LRRC4C: variants seen among roughly 807,000 people sequenced by gnomAD.
LRRC4C encodes the protein leucine-rich repeat-containing protein 4C.
A neutral mutation model predicts 33.6 loss-of-function variants in LRRC4C; 5 were observed. That is an observed-to-expected ratio of 0.15 (90% CI 0.08 to 0.31). The LOEUF is 0.31. LRRC4C is among the 10% of genes least tolerant of loss of function. The probability of loss-of-function intolerance (pLI) is 1.00; values close to 1 mark genes in which losing one functional copy is unlikely to be tolerated. For missense variants in LRRC4C, 560 were observed against 796.7 expected, an observed-to-expected ratio of 0.70 and a Z score of 3.58; for synonymous variants, 329 against 302.0, an observed-to-expected ratio of 1.09 and a Z score of -0.93.
At chr11:41,316,094 C>T (rs1034739962) in intron 1 of LRRC4C, among the ~76,000 whole-genome samples, 2 of 151,934 alleles carry the variant, frequency 1.3e-5, no homozygotes, top group Non-Finnish European at 2.9e-5. Context: ...CCAGCTCCAA[C>T]GGAATATCCC....
chr11:40,480,371 A>T (rs1161164903), intron 3 of LRRC4C, among the ~76,000 whole-genome samples: 1 of 151,348 alleles, frequency 6.6e-6, no homozygotes, highest in Non-Finnish European at 1.5e-5. Context: ...AAATAAAAAT[A>T]AATAAATAAA....
At chr11:41,372,498 C>A (rs1952787271) in intron 1 of LRRC4C, among the ~76,000 whole-genome samples, 2 of 152,134 alleles carry the variant, frequency 1.3e-5, no homozygotes, top group Admixed American at 6.5e-5. Context: ...ACTTCAGAAA[C>A]AGGAATGCTT....
At chr11:40,212,961 T>G (rs1863713584) in intron 5 of LRRC4C, among the ~76,000 whole-genome samples, 1 of 151,982 alleles carries the variant, frequency 6.6e-6, no homozygotes, top group Non-Finnish European at 1.5e-5. Flanking sequence ...AGAAAATGAT[T>G]CCCAGGCTAC....
At chr11:41,211,779 C>T (rs543484377) in intron 1 of LRRC4C, among the ~76,000 whole-genome samples, 6 of 152,242 alleles carry the variant, frequency 3.9e-5, no homozygotes, top group East Asian at 3.9e-4. Flanking sequence ...TGAGTAGAGC[C>T]GCAATAAACA....
At chr11:40,711,913 C>T (rs990320316) in intron 2 of LRRC4C, among the ~76,000 whole-genome samples, 2 of 152,126 alleles carry the variant, frequency 1.3e-5, no homozygotes, top group African/African-American at 4.8e-5. Flanking sequence ...TTTGCATTTC[C>T]TTTCTCCTGG....
chr11:41,249,256 G>A (rs532424731), intron 1 of LRRC4C, among the ~76,000 whole-genome samples: 2 of 152,086 alleles, frequency 1.3e-5, no homozygotes, highest in South Asian at 2.1e-4. Flanking sequence ...GGATGGTCTC[G>A]ATCTCCTGGC....
intron 2 of LRRC4C, among the ~76,000 whole-genome samples, chr11:40,881,339 T>G (rs929656456): frequency 1.3e-5 from 2 of 152,162 alleles, no homozygotes; most frequent in African/African-American, 4.8e-5. Context: ...AAATAAAATC[T>G]AGGACACATG....
chr11:40,259,665 G>C (rs1867527114), intron 4 of LRRC4C, among the ~76,000 whole-genome samples: 1 of 152,146 alleles, frequency 6.6e-6, no homozygotes, highest in Non-Finnish European at 1.5e-5. Flanking sequence ...TTATTAAATA[G>C]GGAACCCTTT....
intron 2 of LRRC4C, among the ~76,000 whole-genome samples, chr11:40,688,926 C>T (rs1021484413): frequency 3.9e-5 from 6 of 151,960 alleles, no homozygotes; most frequent in East Asian, 1.9e-4. Context: ...TGTACTTCAC[C>T]GAGGTGTAAA....
rs904213276 is a variant in LRRC4C at position 40,397,370 on chromosome 11, T to C, written c.-269-77649A>G. Among the ~76,000 whole-genome samples, 3 of 152,080 alleles carry C rather than the reference T, an allele frequency of 2.0e-5. No individual in the cohort carries two copies. The East Asian group carries it at 5.8e-4, about 29-fold the overall frequency. On this transcript the variant is annotated intron_variant, in intron 3 of 6. Transcript: ENST00000528697. ...CTGGCAGTCATCCTAGACATCAATT[T>C]TGAAGTTAAGTAAAAGCAAAGAAAG...
intron 3 of LRRC4C, among the ~76,000 whole-genome samples, chr11:40,453,523 C>T (rs1004161895): frequency 2.0e-5 from 3 of 150,852 alleles, no homozygotes; most frequent in Non-Finnish European, 1.5e-5. Flanking sequence ...GAATATAAAA[C>T]TCTTTTAAAG....
intron 1 of LRRC4C, among the ~76,000 whole-genome samples, chr11:41,172,485 T>C (rs1447467372): frequency 6.6e-6 from 1 of 152,054 alleles, no homozygotes; most frequent in African/African-American, 2.4e-5. Context: ...CTCCAAAGAG[T>C]CCTTCCCTGA....
intron 1 of LRRC4C, among the ~76,000 whole-genome samples, chr11:41,041,536 A>AC (rs1464711370): frequency 6.8e-6 from 1 of 146,768 alleles, no homozygotes; most frequent in Non-Finnish European, 1.5e-5. Flanking sequence ...TCTAGATTTT[A>AC]TAAAGATTAT....
At chr11:40,613,074 G>A (rs1961397903) in intron 3 of LRRC4C, among the ~76,000 whole-genome samples, 1 of 151,870 alleles carries the variant, frequency 6.6e-6, no homozygotes, top group Non-Finnish European at 1.5e-5. Flanking sequence ...CCTCAATATT[G>A]ATGCTTGCTG....
At chr11:41,366,242 A>C (rs912034771) in intron 1 of LRRC4C, among the ~76,000 whole-genome samples, 1 of 127,922 alleles carries the variant, frequency 7.8e-6, no homozygotes, top group Non-Finnish European at 1.7e-5. Context: ...AGATAGATAG[A>C]TAGGTAGATA....
intron 5 of LRRC4C, among the ~76,000 whole-genome samples, chr11:40,155,671 T>C (rs991165547): frequency 1.3e-5 from 2 of 152,008 alleles, no homozygotes; most frequent in African/African-American, 4.8e-5. Context: ...TCAGATACCC[T>C]GAACAGACCA....
At chr11:40,709,551 G>A (rs1468297231) in intron 2 of LRRC4C, among the ~76,000 whole-genome samples, 3 of 152,164 alleles carry the variant, frequency 2.0e-5, no homozygotes, top group Non-Finnish European at 4.4e-5. Context: ...CTTCTGGCTT[G>A]TAGGTTTTCT....
Position 40,949,244 on chromosome 11 carries a change from G to T in LRRC4C, c.-495-15521C>A, listed in dbSNP as rs573784302. ...GTTTTTTTCTTGTAAATTTGTTGGA[G>T]TTCATTGTAGATTCTGGACATTAGC... On this transcript the variant is annotated intron_variant, in intron 1 of 6. Coordinates refer to ENST00000528697, the MANE Select transcript of LRRC4C (RefSeq NM_001258419.2). Among the ~76,000 whole-genome samples, 26 of 152,250 alleles carry T rather than the reference G, an allele frequency of 1.7e-4. 2 individuals carry two copies. In the South Asian group the frequency reaches 5.0e-3, roughly 29 times the overall value.
Position 41,163,284 on chromosome 11 carries a change from G to GTTTT in LRRC4C, c.-495-229565_-495-229562dup, listed in dbSNP as rs71466923. Reference sequence around the variant, plus strand: ...GTAATAAACTTAGTTTACTGTAACTGTTTTTTTTTTTTTTTTTCAAACAGG... The same window carrying GTTTT: ...GTAATAAACTTAGTTTACTGTAACTGTTTTTTTTTTTTTTTTTTTTTCAAACAGG... On this transcript the variant is annotated intron_variant, in intron 1 of 6. Transcript: ENST00000528697. Among the ~76,000 whole-genome samples the GTTTT allele has an allele frequency of 8.9e-3, 653 of 73,352 alleles. 155 individuals carry two copies. The highest frequency in any genetic ancestry group is 0.014 in the Non-Finnish European group (569 of 40,796). The allele number at this position is 73,352 out of a possible 152,430, so 48.1% of individuals were successfully genotyped here.
Sources: gnomAD v4.1 joint callset for allele counts (sites outside exome capture counted in the v4.1 genomes callset) on GRCh38, gnomAD v4.1.1 for gene constraint, MANE v1.5 for transcripts, NCBI Gene and HGNC (gene_info 2026-07-23, HGNC 2026-07-21) for gene names.